Variants in RBPJ observed in about 807,000 individuals in gnomAD.
RBPJ encodes recombining binding protein suppressor of hairless.
A neutral mutation model predicts 67.8 loss-of-function variants in RBPJ; 9 were observed. That is an observed-to-expected ratio of 0.13 (90% CI 0.08 to 0.23). The LOEUF is 0.23. RBPJ is among the 10% of genes least tolerant of loss of function. The probability of loss-of-function intolerance (pLI) is 1.00; values close to 1 mark genes in which losing one functional copy is unlikely to be tolerated. For missense variants in RBPJ, 305 were observed against 595.6 expected (o/e 0.51, Z 5.08); for synonymous variants, 198 against 203.3 (o/e 0.97, Z 0.22).
chr4:26,287,416 G>A (rs1186203817), intron 1 of RBPJ, among the ~76,000 whole-genome samples: 2 of 151,294 alleles, frequency 1.3e-5, no homozygotes, highest in African/African-American at 2.4e-5. Flanking sequence ...AGCCAGACAT[G>A]GTGGCATGCT....
intron 1 of RBPJ, among the ~76,000 whole-genome samples, chr4:26,374,006 C>T (rs186819271): frequency 1.4e-4 from 21 of 150,744 alleles, no homozygotes; most frequent in Admixed American, 2.6e-4. Flanking sequence ...GCAGCCTCCG[C>T]CTCCTGGGTT....
At chr4:26,185,274 A>G (rs1448019218) in intron 1 of RBPJ, among the ~76,000 whole-genome samples, 1 of 151,182 alleles carries the variant, frequency 6.6e-6, no homozygotes, top group Admixed American at 6.6e-5. Context: ...GGTATTTCTC[A>G]CCCTCTAAGT....
At chr4:26,270,252 C>T (rs1443638613) in intron 1 of RBPJ, among the ~76,000 whole-genome samples, 3 of 138,894 alleles carry the variant, frequency 2.2e-5, no homozygotes, top group Admixed American at 1.5e-4. Context: ...CACTGCTCTC[C>T]AGCCTGGGCA....
chr4:26,202,670 G>A (rs891745555), intron 1 of RBPJ, among the ~76,000 whole-genome samples: 21 of 151,900 alleles, frequency 1.4e-4, no homozygotes, highest in Admixed American at 5.9e-4. Context: ...ACTTTGGGGG[G>A]GCCAAAGGGG....
intron 1 of RBPJ, among the ~76,000 whole-genome samples, chr4:26,346,331 A>G (rs1368125670): frequency 1.3e-5 from 2 of 152,184 alleles, no homozygotes; most frequent in Non-Finnish European, 2.9e-5. Flanking sequence ...GGAGGAGGGG[A>G]TATCTGATTT....
At chr4:26,201,834 A>T (rs1449415061) in intron 1 of RBPJ, among the ~76,000 whole-genome samples, 4 of 152,206 alleles carry the variant, frequency 2.6e-5, no homozygotes, top group Non-Finnish European at 5.9e-5. Flanking sequence ...CCTGAGTCAC[A>T]CAAGAAACTC....
intron 3 of RBPJ, among the ~76,000 whole-genome samples, chr4:26,408,077 G>A (rs977910294): frequency 6.6e-6 from 1 of 151,712 alleles, no homozygotes; most frequent in African/African-American, 2.4e-5. Flanking sequence ...GTTTCACTAT[G>A]CCGTCCAGGC....
chr4:26,131,474 AGTAT>A, the RBPJ span, among the ~76,000 whole-genome samples: 1 of 152,200 alleles, frequency 6.6e-6, no homozygotes, highest in Non-Finnish European at 1.5e-5. Context: ...AACAGATGCC[AGTAT>A]TGCTTCTGGG....
intron 7 of RBPJ, among the ~76,000 whole-genome samples, chr4:26,427,982 T>C (rs563521810): frequency 6.6e-6 from 1 of 152,212 alleles, no homozygotes; most frequent in Non-Finnish European, 1.5e-5. Context: ...ATTCATGTGT[T>C]TTGTAGACTA....
In RBPJ at chr4:26,424,223, G is replaced by T; in HGVS notation, c.497-119G>T. 1.1e-6 allele frequency: 1 copy of T among 944,178 alleles called. No individual in the cohort carries two copies. Among genetic ancestry groups the T allele is most frequent in the Non-Finnish European group, 1.6e-6 (1 of 625,678 alleles). The allele number at this position is 944,178 out of a possible 1,614,324, so 58.5% of individuals were successfully genotyped here. Reference sequence around the variant, plus strand: ...ACTGTCTTGGAAAGTGAAAATATTTGTCAAACTGTTAAATGATAAGAAAGA... The same window carrying T: ...ACTGTCTTGGAAAGTGAAAATATTTTTCAAACTGTTAAATGATAAGAAAGA... On this transcript the variant is annotated intron_variant, in intron 5 of 10. Transcript: ENST00000355476. The surrounding 1 kb of genome is among the most constrained non-coding windows in gnomAD (Gnocchi z 5.3).
chr4:26,309,343 T>A (rs1722350686), intron 1 of RBPJ, among the ~76,000 whole-genome samples: 1 of 152,224 alleles, frequency 6.6e-6, no homozygotes, highest in African/African-American at 2.4e-5. Flanking sequence ...TTATCTAATT[T>A]GATTCATGCA....
intron 1 of RBPJ, among the ~76,000 whole-genome samples, chr4:26,247,518 C>G (rs1210209506): frequency 6.6e-6 from 1 of 152,034 alleles, no homozygotes; most frequent in Non-Finnish European, 1.5e-5. Context: ...TCAAGTGATT[C>G]TCCTGCCTCG....
intron 1 of RBPJ, among the ~76,000 whole-genome samples, chr4:26,203,042 G>T (rs1718045129): frequency 6.6e-6 from 1 of 151,878 alleles, no homozygotes; most frequent in African/African-American, 2.4e-5. Context: ...GAAAAGAAAA[G>T]AAAAATAATT....
chr4:26,290,718 C>T (rs867636129), intron 1 of RBPJ, among the ~76,000 whole-genome samples: 13 of 150,738 alleles, frequency 8.6e-5, no homozygotes, highest in Admixed American at 8.6e-4. Context: ...TTTAAGCACT[C>T]GAGTTTTGTT....
At chr4:26,169,454 G>A (rs1186627623) in intron 1 of RBPJ, among the ~76,000 whole-genome samples, 3 of 152,264 alleles carry the variant, frequency 2.0e-5, no homozygotes, top group South Asian at 2.1e-4. Context: ...AGGAGTACCC[G>A]GCCGTGTGAG....
the RBPJ span, among the ~76,000 whole-genome samples, chr4:26,150,823 C>T: frequency 6.6e-6 from 1 of 152,178 alleles, no homozygotes; most frequent in Non-Finnish European, 1.5e-5. Context: ...ACCCCTGAGC[C>T]ATGTTTACAC....
chr4:26,134,873 C>G, the RBPJ span, among the ~76,000 whole-genome samples: 3 of 152,148 alleles, frequency 2.0e-5, no homozygotes, highest in African/African-American at 7.2e-5. Flanking sequence ...CATTTGGGAT[C>G]TCAAGATCGT....
chr4:26,184,103 A>G (rs1717127868), intron 1 of RBPJ, among the ~76,000 whole-genome samples: 1 of 150,754 alleles, frequency 6.6e-6, no homozygotes, highest in African/African-American at 2.4e-5. Context: ...AATCGCTTGA[A>G]CCTGGGAGGC....
At chr4:26,109,460 C>CTATA in the RBPJ span, among the ~76,000 whole-genome samples, 620 of 14,502 alleles carry the variant, frequency 0.043, 27 homozygotes, top group Middle Eastern at 0.071. Context: ...CTCTCTCTCT[C>CTATA]TATATATATA....
Sources: allele counts gnomAD v4.1 joint callset (sites outside exome capture counted in the v4.1 genomes callset), GRCh38; gene constraint gnomAD v4.1.1; non-coding constraint Gnocchi (gnomAD v3.1); transcripts MANE v1.5; gene names NCBI Gene and HGNC (gene_info 2026-07-23, HGNC 2026-07-21).